MCPH1: variants seen among roughly 807,000 people sequenced by gnomAD.
MCPH1 encodes microcephalin.
In MCPH1, 104 loss-of-function variants were observed where a neutral mutation model predicts 84.5. That is an observed-to-expected ratio of 1.23 (90% CI 1.05 to 1.45). The LOEUF is 1.45. MCPH1 is among the 40% of genes most tolerant of loss of function. The pLI, the probability that MCPH1 is intolerant of heterozygous loss-of-function variation, is 0.00. For missense variants in MCPH1, 1,498 were observed against 1,005.7 expected (o/e 1.49, Z -6.62); for synonymous variants, 514 against 366.8 (o/e 1.40, Z -4.58).
At chr8:6,441,144 T>G (rs141793719) in intron 6 of MCPH1, among the ~76,000 whole-genome samples, 2 of 152,332 alleles carry the variant, frequency 1.3e-5, no homozygotes, top group Admixed American at 1.3e-4. Context: ...TGGGATGCAT[T>G]GCTGTCCTGA....
At chr8:6,615,236 G>A (rs1406095392) in intron 12 of MCPH1, among the ~76,000 whole-genome samples, 3 of 152,156 alleles carry the variant, frequency 2.0e-5, no homozygotes, top group African/African-American at 4.8e-5. Context: ...TTCTGCTCAC[G>A]ACTCCATGTC....
intron 4 of MCPH1, 140 bp downstream of exon 4, chr8:6,431,726 T>C: frequency 1.6e-6 from 1 of 619,108 alleles, no homozygotes; most frequent in South Asian, 2.1e-5. Flanking sequence ...TCTTTTCACA[T>C]AGCATTTTTA....
At chr8:6,622,069 G>T (rs369008879) in intron 13 of MCPH1, 11 of 357,512 alleles carry the variant, frequency 3.1e-5, no homozygotes, top group South Asian at 2.5e-4. Flanking sequence ...CCCTGGCAGC[G>T]CCCGGCACTG....
At chr8:6,500,088 C>T (rs908836693) in intron 12 of MCPH1, 159 bp downstream of exon 12, 6 of 677,482 alleles carry the variant, frequency 8.9e-6, no homozygotes, top group African/African-American at 7.1e-5. Flanking sequence ...TCAATTTATT[C>T]GCGAGAACAA....
At position 6,445,781 on chromosome 8, in the gene MCPH1, G is replaced by A; in HGVS notation, c.1825+234G>A. On this transcript the variant is annotated intron_variant, in intron 8 of 13. Transcript: ENST00000344683. ...GTCTGTTAGGAATCTATTTCTCCAAGACTTTTCCTTCTTATAGGTCAAAAG... is the reference window on the plus strand; with the variant it reads ...GTCTGTTAGGAATCTATTTCTCCAAAACTTTTCCTTCTTATAGGTCAAAAG... 3.8e-6 allele frequency: 5 copies of A among 1,310,280 alleles called. 1 individual carries two copies. In the African/African-American group the frequency reaches 4.5e-5, roughly 12 times the overall value. 81.2% of individuals were successfully genotyped at this position (1,310,280 alleles called of 1,614,324 possible). A position where few individuals can be genotyped will look rare whatever the true frequency, so the allele number is the denominator to read the frequency against.
At chr8:6,628,707 C>T (rs1796944835) in intron 13 of MCPH1, among the ~76,000 whole-genome samples, 2 of 152,184 alleles carry the variant, frequency 1.3e-5, no homozygotes, top group African/African-American at 2.4e-5. Context: ...ATTCACAAAG[C>T]CCCCTGCAAA....
At chr8:6,603,332 G>T (rs1829514381) in intron 12 of MCPH1, among the ~76,000 whole-genome samples, 1 of 152,028 alleles carries the variant, frequency 6.6e-6, no homozygotes. Flanking sequence ...ATGCATAGGG[G>T]CATGAGTGAA....
intron 12 of MCPH1, among the ~76,000 whole-genome samples, chr8:6,564,163 G>C (rs1825936336): frequency 6.6e-6 from 1 of 151,978 alleles, no homozygotes; most frequent in African/African-American, 2.4e-5. Flanking sequence ...TGTATTTTTA[G>C]TAGAGACAGG....
intron 12 of MCPH1, among the ~76,000 whole-genome samples, chr8:6,551,029 G>T (rs545155502): frequency 6.6e-6 from 1 of 152,300 alleles, no homozygotes; most frequent in South Asian, 2.1e-4. Flanking sequence ...AACAAGTGAA[G>T]GCACTCCAAG....
At chr8:6,523,102 A>G (rs1294342037) in intron 12 of MCPH1, among the ~76,000 whole-genome samples, 1 of 151,836 alleles carries the variant, frequency 6.6e-6, no homozygotes, top group South Asian at 2.1e-4. Context: ...GGTTCAAGCT[A>G]TTCTCCTGCC....
intron 9 of MCPH1, among the ~76,000 whole-genome samples, chr8:6,470,461 T>A (rs1807574778): frequency 6.6e-6 from 1 of 152,132 alleles, no homozygotes; most frequent in Non-Finnish European, 1.5e-5. Flanking sequence ...ATTTTTGTAT[T>A]TTTAGGAGAG....
chr8:6,637,253 A>G (rs184299249), intron 13 of MCPH1, among the ~76,000 whole-genome samples: 10 of 152,346 alleles, frequency 6.6e-5, no homozygotes, highest in African/African-American at 9.6e-5. Flanking sequence ...AATTTCTTTA[A>G]AAATCCTTCT....
chr8:6,578,676 T>C (rs1827306909), intron 12 of MCPH1, among the ~76,000 whole-genome samples: 1 of 152,216 alleles, frequency 6.6e-6, no homozygotes, highest in Non-Finnish European at 1.5e-5. Context: ...ATGTGTATTT[T>C]GGATAGGTGT....
At position 6,514,749 on chromosome 8, in the gene MCPH1, G is replaced by C. The variant is rs139416191; in HGVS notation, c.2214+14820G>C. On this transcript the variant is annotated intron_variant, in intron 12 of 13. Transcript: ENST00000344683. Reference sequence around the variant, plus strand: ...CACGTCGCTGAATAATTGTCCACCCGCCTCCTCCAGCTTCCATGTCACAGT... The same window carrying C: ...CACGTCGCTGAATAATTGTCCACCCCCCTCCTCCAGCTTCCATGTCACAGT... The C allele has an allele frequency of 3.1e-6, 5 of 1,613,658 alleles. No individual in the cohort carries two copies. In the African/African-American group the frequency reaches 6.7e-5, roughly 22 times the overall value.
chr8:6,511,334 A>G (rs1483906761), intron 12 of MCPH1, among the ~76,000 whole-genome samples: 5 of 151,900 alleles, frequency 3.3e-5, no homozygotes, highest in South Asian at 4.1e-4. Flanking sequence ...ATGATTTTAT[A>G]TAACAGTGGA....
chr8:6,618,555 G>T (rs914098008), intron 12 of MCPH1: 25 of 152,196 alleles, frequency 1.6e-4, no homozygotes, highest in Non-Finnish European at 3.4e-4. Context: ...TGTGTGTTGT[G>T]TGTGCATTTT....
At chr8:6,537,645 T>C (rs1204261698) in intron 12 of MCPH1, among the ~76,000 whole-genome samples, 1 of 152,022 alleles carries the variant, frequency 6.6e-6, no homozygotes, top group African/African-American at 2.4e-5. Context: ...ATGATCAAAT[T>C]TGACAGGAAA....
At chr8:6,439,586 G>A (rs1009324408) in intron 6 of MCPH1, among the ~76,000 whole-genome samples, 3 of 150,728 alleles carry the variant, frequency 2.0e-5, no homozygotes, top group Non-Finnish European at 2.9e-5. Context: ...TAGTAGAGAC[G>A]GGGTTTCACC....
At chr8:6,482,107 C>G (rs565309376) in intron 11 of MCPH1, among the ~76,000 whole-genome samples, 17 of 152,088 alleles carry the variant, frequency 1.1e-4, no homozygotes, top group Non-Finnish European at 1.5e-4. Flanking sequence ...CGTGATTTTG[C>G]AGTGTTTGTC....
Sources: gnomAD v4.1 joint callset for allele counts (sites outside exome capture counted in the v4.1 genomes callset) on GRCh38, gnomAD v4.1.1 for gene constraint, MANE v1.5 for transcripts, NCBI Gene and HGNC (gene_info 2026-07-23, HGNC 2026-07-21) for gene names.